The following PDE1A variants were observed in gnomAD, a reference collection of about 807,000 sequenced individuals.
PDE1A encodes phosphodiesterase 1A.
Under a neutral mutation model 61.7 loss-of-function variants are expected in PDE1A, and 35 were observed. That is an observed-to-expected ratio of 0.57 (90% CI 0.43 to 0.75). The LOEUF is 0.75. Ranked by LOEUF, PDE1A falls within the 30% of genes least tolerant of loss-of-function variation. PDE1A has a pLI of 0.00. For missense variants in PDE1A, 597 were observed against 630.6 expected, an observed-to-expected ratio of 0.95 and a Z score of 0.57; for synonymous variants, 232 against 213.2, an observed-to-expected ratio of 1.09 and a Z score of -0.77.
intron 6 of PDE1A, among the ~76,000 whole-genome samples, chr2:182,229,141 T>A (rs994729568): frequency 6.6e-6 from 1 of 152,122 alleles, no homozygotes; most frequent in Non-Finnish European, 1.5e-5. Context: ...CAGGTGAAGC[T>A]GATATAGTAG....
chr2:182,609,059 A>G, the PDE1A span, among the ~76,000 whole-genome samples: 1 of 152,122 alleles, frequency 6.6e-6, no homozygotes, highest in Non-Finnish European at 1.5e-5. Context: ...ATGTCTAGCT[A>G]AGGGATTGTA....
intron 2 of PDE1A, among the ~76,000 whole-genome samples, chr2:182,471,106 C>T (rs1455891226): frequency 6.6e-6 from 1 of 151,730 alleles, no homozygotes. Context: ...AGTCAACTTG[C>T]TCTACAGACC....
intron 1 of PDE1A, among the ~76,000 whole-genome samples, chr2:182,404,130 A>G (rs972843181): frequency 6.6e-6 from 1 of 151,732 alleles, no homozygotes; most frequent in African/African-American, 2.4e-5. Context: ...TAAGCCATGA[A>G]GAAATTCTAT....
intron 1 of PDE1A, among the ~76,000 whole-genome samples, chr2:182,418,461 C>T (rs1220478205): frequency 6.6e-6 from 1 of 152,150 alleles, no homozygotes; most frequent in African/African-American, 2.4e-5. Flanking sequence ...TGAGAGTCAT[C>T]TGGACTACAC....
intron 2 of PDE1A, among the ~76,000 whole-genome samples, chr2:182,507,464 G>A (rs1475621615): frequency 6.6e-6 from 1 of 152,132 alleles, no homozygotes; most frequent in Non-Finnish European, 1.5e-5. Flanking sequence ...CCTCCAATAG[G>A]TCTCACCAGG....
chr2:182,162,366 T>C (rs933174800), intron 13 of PDE1A, among the ~76,000 whole-genome samples: 6 of 151,794 alleles, frequency 4.0e-5, no homozygotes, highest in Non-Finnish European at 7.4e-5. Context: ...ACTGGCTAAT[T>C]AATCATGATG....
the PDE1A span, among the ~76,000 whole-genome samples, chr2:182,575,948 TTATAA>T: frequency 6.8e-6 from 1 of 147,214 alleles, no homozygotes; most frequent in Non-Finnish European, 1.5e-5. Flanking sequence ...TATTAATATA[TTATAA>T]TATATATTAT....
At chr2:182,619,268 T>C in the PDE1A span, among the ~76,000 whole-genome samples, 1 of 152,120 alleles carries the variant, frequency 6.6e-6, no homozygotes, top group Non-Finnish European at 1.5e-5. Context: ...AACACTATAA[T>C]AATTCCCCCA....
At chr2:182,364,465 G>GT (rs1394526424) in intron 1 of PDE1A, among the ~76,000 whole-genome samples, 3 of 12,940 alleles carry the variant, frequency 2.3e-4, no homozygotes, top group Non-Finnish European at 3.1e-4. Flanking sequence ...GAACACTTTG[G>GT]TAAAAAAAAA....
chr2:182,266,086 C>T (rs566348921), intron 1 of PDE1A, among the ~76,000 whole-genome samples: 4 of 152,236 alleles, frequency 2.6e-5, no homozygotes, highest in African/African-American at 7.2e-5. Context: ...TAAATGAAAA[C>T]GTCTTACTCA....
intron 1 of PDE1A, among the ~76,000 whole-genome samples, chr2:182,296,843 G>C (rs1181826984): frequency 1.3e-5 from 2 of 152,148 alleles, no homozygotes; most frequent in African/African-American, 4.8e-5. Context: ...ATCCATTGAA[G>C]GCCTGAATAG....
intron 2 of PDE1A, among the ~76,000 whole-genome samples, chr2:182,487,870 G>T (rs1688116741): frequency 6.6e-6 from 1 of 152,120 alleles, no homozygotes. Flanking sequence ...AAGAAAGTTT[G>T]TAATGAAAGA....
chr2:182,330,969 G>A (rs936574575), intron 1 of PDE1A, among the ~76,000 whole-genome samples: 2 of 152,086 alleles, frequency 1.3e-5, no homozygotes, highest in South Asian at 2.1e-4. Context: ...GCTGTAAGTG[G>A]CTAGTTTCCA....
At chr2:182,643,509 A>G in the PDE1A span, among the ~76,000 whole-genome samples, 3 of 152,116 alleles carry the variant, frequency 2.0e-5, no homozygotes, top group East Asian at 5.8e-4. Flanking sequence ...TATACATTGC[A>G]TAACTTTCTT....
chr2:182,645,592 A>C, the PDE1A span, among the ~76,000 whole-genome samples: 1 of 152,224 alleles, frequency 6.6e-6, no homozygotes, highest in Non-Finnish European at 1.5e-5. Context: ...AGATATTCAG[A>C]TAATAATGAA....
At chr2:182,199,408 C>T (rs1035934368) in intron 10 of PDE1A, among the ~76,000 whole-genome samples, 3 of 151,916 alleles carry the variant, frequency 2.0e-5, no homozygotes, top group East Asian at 3.8e-4. Flanking sequence ...ATATAACTTA[C>T]TTTATTACAC....
At chr2:182,534,760 A>AT in the PDE1A span, among the ~76,000 whole-genome samples, 2 of 151,586 alleles carry the variant, frequency 1.3e-5, no homozygotes, top group East Asian at 3.9e-4. Flanking sequence ...TTTTTATTGA[A>AT]TTTTTTATGT....
chr2:182,702,620 T>A, the PDE1A span, among the ~76,000 whole-genome samples: 1 of 152,214 alleles, frequency 6.6e-6, no homozygotes, highest in South Asian at 2.1e-4. Context: ...TTATTTTTCA[T>A]AATTATAAAA....
chr2:182,253,562 A>G (rs902074368), intron 2 of PDE1A, among the ~76,000 whole-genome samples: 33 of 152,228 alleles, frequency 2.2e-4, no homozygotes, highest in African/African-American at 6.7e-4. Flanking sequence ...CATTTATGCA[A>G]TTCTCATTGG....
Sources: gnomAD v4.1 joint callset for allele counts (sites outside exome capture counted in the v4.1 genomes callset) on GRCh38, gnomAD v4.1.1 for gene constraint, MANE v1.5 for transcripts, NCBI Gene and HGNC (gene_info 2026-07-23, HGNC 2026-07-21) for gene names.